PLEKHA5: variants seen among roughly 807,000 people sequenced by gnomAD.
PLEKHA5 encodes pleckstrin homology domain containing A5.
In PLEKHA5, 55 loss-of-function variants were observed where a neutral mutation model predicts 181.9. The observed-to-expected ratio is 0.30, with a 90% CI of 0.24 to 0.38. PLEKHA5 has a LOEUF of 0.38. Ranked by LOEUF, PLEKHA5 falls within the 10% of genes least tolerant of loss-of-function variation. The pLI is 1.00. For synonymous variants in PLEKHA5, 535 were observed against 529.4 expected, an observed-to-expected ratio of 1.01 and a Z score of -0.15; for missense variants, 1,432 against 1,549.5, an observed-to-expected ratio of 0.92 and a Z score of 1.27.
chr12:19,291,581 G>T, intron 14 of PLEKHA5, 63 bp from the exon 15 acceptor site: 2 of 954,586 alleles, frequency 2.1e-6, no homozygotes, highest in South Asian at 3.0e-5. Flanking sequence ...TTCCAAAATT[G>T]ACCTTTTCTT....
chr12:19,203,804 A>G (rs1356951050), intron 3 of PLEKHA5, among the ~76,000 whole-genome samples: 1 of 152,072 alleles, frequency 6.6e-6, no homozygotes, highest in African/African-American at 2.4e-5. Flanking sequence ...ACCGTGACTC[A>G]TATATAACCT....
chr12:19,306,355 C>G (rs2152952536), intron 15 of PLEKHA5: 1 of 451,676 alleles, frequency 2.2e-6, no homozygotes, highest in Non-Finnish European at 4.3e-6. Flanking sequence ...TTTTCTCGTG[C>G]TCTCCAACTA....
intron 16 of PLEKHA5, among the ~76,000 whole-genome samples, chr12:19,318,751 C>T (rs2933275): frequency 0.011 from 1,725 of 151,994 alleles, 30 homozygotes; most frequent in African/African-American, 0.039. Context: ...GGTGAAACCC[C>T]GTCTCTATTA....
chr12:19,203,657 A>G (rs1009815034), intron 3 of PLEKHA5, among the ~76,000 whole-genome samples: 1 of 152,094 alleles, frequency 6.6e-6, no homozygotes, highest in Non-Finnish European at 1.5e-5. Context: ...CAAGAACACT[A>G]AAGCACCTGT....
chr12:19,175,014 GT>G (rs1354190671), intron 3 of PLEKHA5, among the ~76,000 whole-genome samples: 1 of 152,192 alleles, frequency 6.6e-6, no homozygotes, highest in Non-Finnish European at 1.5e-5. Flanking sequence ...AATAAGAAAT[GT>G]GAATAAAAAA....
At position 19,195,438 on chromosome 12, in the gene PLEKHA5, G is replaced by A. The variant is rs117538658; in HGVS notation, c.228-58502G>A. ...AATCCTAGCACTTTGGAAGGCCAAG[G>A]CAGGCAGATCACTTGAGTCCAGAGT... On this transcript the variant is annotated intron_variant, in intron 3 of 31. Coordinates refer to ENST00000429027, the MANE Select transcript of PLEKHA5 (RefSeq NM_001256470.2). 6.4e-4 allele frequency among the ~76,000 whole-genome samples: 97 copies of A among 152,124 alleles called. 1 individual carries two copies. In the East Asian group the frequency reaches 0.017, roughly 27 times the overall value.
chr12:19,340,347 C>A (rs571013430), intron 21 of PLEKHA5, among the ~76,000 whole-genome samples: 1 of 149,876 alleles, frequency 6.7e-6, no homozygotes, highest in East Asian at 2.0e-4. Context: ...CGGCCAGCCG[C>A]CCCGTCCAGG....
chr12:19,342,466 G>T (rs1036921850), intron 21 of PLEKHA5, among the ~76,000 whole-genome samples: 5 of 152,122 alleles, frequency 3.3e-5, no homozygotes. Context: ...AGACCAGCCT[G>T]GCCAACATGG....
intron 15 of PLEKHA5, among the ~76,000 whole-genome samples, chr12:19,296,219 G>A (rs1427481045): frequency 1.3e-4 from 19 of 146,906 alleles, no homozygotes; most frequent in African/African-American, 3.5e-4. Context: ...CAGCCCGGGC[G>A]ACAGAGTGAG....
intron 15 of PLEKHA5, among the ~76,000 whole-genome samples, chr12:19,299,370 A>G (rs1379008840): frequency 2.0e-5 from 3 of 152,154 alleles, no homozygotes. Context: ...CTACCATAAC[A>G]CCTTATGTAT....
At chr12:19,349,849 A>G (rs2094508584) in intron 25 of PLEKHA5, among the ~76,000 whole-genome samples, 1 of 152,014 alleles carries the variant, frequency 6.6e-6, no homozygotes, top group Non-Finnish European at 1.5e-5. Context: ...ACGGTGGCTC[A>G]CTCCTGTAAT....
At chr12:19,208,610 C>A (rs1170144068) in intron 3 of PLEKHA5, among the ~76,000 whole-genome samples, 2 of 152,060 alleles carry the variant, frequency 1.3e-5, no homozygotes, top group South Asian at 4.1e-4. Context: ...TTTTGGCACT[C>A]CTGTGAAATT....
At chr12:19,325,928 A>G (rs2091986733) in intron 20 of PLEKHA5, among the ~76,000 whole-genome samples, 1 of 151,702 alleles carries the variant, frequency 6.6e-6, no homozygotes, top group Non-Finnish European at 1.5e-5. Context: ...AATCGCTTGA[A>G]CCCGGGAGGC....
At chr12:19,190,217 T>C (rs769199528) in intron 3 of PLEKHA5, among the ~76,000 whole-genome samples, 31 of 152,254 alleles carry the variant, frequency 2.0e-4, no homozygotes, top group Non-Finnish European at 2.1e-4. Flanking sequence ...CTGGTAATTA[T>C]ATTTTCAGGG....
intron 3 of PLEKHA5, among the ~76,000 whole-genome samples, chr12:19,220,962 A>G (rs1238117456): frequency 6.6e-6 from 1 of 152,210 alleles, no homozygotes; most frequent in Non-Finnish European, 1.5e-5. Flanking sequence ...GTGAGATACT[A>G]CTACACACCC....
chr12:19,341,728 CAT>C (rs1393151930), intron 21 of PLEKHA5, among the ~76,000 whole-genome samples: 1 of 150,886 alleles, frequency 6.6e-6, no homozygotes, highest in African/African-American at 2.4e-5. Context: ...ACTTTGAAAA[CAT>C]ATTGCTTTTT....
intron 6 of PLEKHA5, among the ~76,000 whole-genome samples, chr12:19,259,810 C>A: frequency 9.4e-6 from 1 of 106,306 alleles, no homozygotes; most frequent in East Asian, 2.9e-4. Flanking sequence ...TTTTTGGTTT[C>A]TTTTTTGGTA....
intron 3 of PLEKHA5, among the ~76,000 whole-genome samples, chr12:19,161,244 G>GA (rs1038183661): frequency 2.4e-4 from 36 of 152,034 alleles, no homozygotes; most frequent in African/African-American, 8.5e-4. Context: ...TAAAGGAAGA[G>GA]AAAATGAAAT....
chr12:19,227,354 A>C (rs935832243), intron 3 of PLEKHA5, among the ~76,000 whole-genome samples: 8 of 150,868 alleles, frequency 5.3e-5, no homozygotes, highest in African/African-American at 2.0e-4. Flanking sequence ...GGGCTAAATA[A>C]TAGTTATTCT....
Sources: gnomAD v4.1 joint callset for allele counts (sites outside exome capture counted in the v4.1 genomes callset) on GRCh38, gnomAD v4.1.1 for gene constraint, MANE v1.5 for transcripts, NCBI Gene and HGNC (gene_info 2026-07-23, HGNC 2026-07-21) for gene names.